TMEM132C: variants seen among roughly 807,000 people sequenced by gnomAD.
TMEM132C encodes protein phosphatase 1, regulatory subunit 152.
TMEM132C carries 29 observed loss-of-function variants against 61.4 expected under a neutral mutation model. The observed-to-expected ratio is 0.47, with a 90% confidence interval of 0.35 to 0.64. The LOEUF is 0.64. Ranked by LOEUF, TMEM132C falls within the 30% of genes least tolerant of loss-of-function variation. The probability of loss-of-function intolerance (pLI) is 0.00; values close to 1 mark genes in which losing one functional copy is unlikely to be tolerated. For missense variants in TMEM132C, 1,408 were observed against 1,476.9 expected, an observed-to-expected ratio of 0.95 and a Z score of 0.76; for synonymous variants, 656 against 633.1, an observed-to-expected ratio of 1.04 and a Z score of -0.54.
At chr12:128,376,569 C>T (rs1874199367) in intron 1 of TMEM132C, among the ~76,000 whole-genome samples, 1 of 152,122 alleles carries the variant, frequency 6.6e-6, no homozygotes, top group Non-Finnish European at 1.5e-5. Flanking sequence ...CTAGGGGTTT[C>T]AAGATGTGGA....
intron 1 of TMEM132C, among the ~76,000 whole-genome samples, chr12:128,388,109 A>G (rs1329531964): frequency 2.0e-5 from 3 of 152,234 alleles, no homozygotes; most frequent in East Asian, 3.9e-4. Context: ...GCCCGAGCCC[A>G]GGAAAAGCGT....
chr12:128,305,674 G>C (rs1240455584), intron 1 of TMEM132C, among the ~76,000 whole-genome samples: 2 of 151,938 alleles, frequency 1.3e-5, no homozygotes, highest in East Asian at 3.9e-4. Context: ...GATTAAAAAT[G>C]AGACCTCCCG....
chr12:128,515,873 A>G (rs2136122810), intron 2 of TMEM132C, among the ~76,000 whole-genome samples: 1 of 152,304 alleles, frequency 6.6e-6, no homozygotes, highest in East Asian at 1.9e-4. Flanking sequence ...ATTTTAAAGA[A>G]GAAATACAGC....
chr12:128,454,782 T>G (rs1431338835), intron 2 of TMEM132C, among the ~76,000 whole-genome samples: 2 of 152,240 alleles, frequency 1.3e-5, no homozygotes, highest in East Asian at 3.8e-4. Flanking sequence ...AAGAGGTTTG[T>G]GTGCAAACCG....
intron 5 of TMEM132C, among the ~76,000 whole-genome samples, chr12:128,681,817 ATTTTTTTT>A (rs35154554): frequency 8.1e-5 from 7 of 86,478 alleles, no homozygotes; most frequent in South Asian, 4.9e-4. Flanking sequence ...CCACGCCTGG[ATTTTTTTT>A]TTTTTTTTTT....
At chr12:128,374,717 T>G (rs1230235806) in intron 1 of TMEM132C, among the ~76,000 whole-genome samples, 2 of 146,002 alleles carry the variant, frequency 1.4e-5, no homozygotes, top group African/African-American at 5.0e-5. Context: ...AGTGCAGAGA[T>G]AAGGCCAGCC....
At chr12:128,645,922 A>G (rs556995253) in intron 4 of TMEM132C, among the ~76,000 whole-genome samples, 1 of 151,962 alleles carries the variant, frequency 6.6e-6, no homozygotes, top group East Asian at 1.9e-4. Flanking sequence ...TGTTTACTGG[A>G]GTCCATCAGT....
At chr12:128,358,708 T>C (rs768184628) in intron 1 of TMEM132C, among the ~76,000 whole-genome samples, 13 of 152,016 alleles carry the variant, frequency 8.6e-5, no homozygotes, top group Non-Finnish European at 1.3e-4. Flanking sequence ...CCAAAACTAA[T>C]TGAGGCACTT....
intron 1 of TMEM132C, among the ~76,000 whole-genome samples, chr12:128,384,597 A>G (rs1304418543): frequency 6.6e-6 from 1 of 152,150 alleles, no homozygotes; most frequent in African/African-American, 2.4e-5. Flanking sequence ...TGGGGACTCC[A>G]TTCCTAGGCT....
At chr12:128,292,962 G>A (rs1593000104) in intron 1 of TMEM132C, among the ~76,000 whole-genome samples, 1 of 152,164 alleles carries the variant, frequency 6.6e-6, no homozygotes, top group South Asian at 2.1e-4. Context: ...GTATGTGTGT[G>A]TGTGTATATG....
intron 2 of TMEM132C, among the ~76,000 whole-genome samples, chr12:128,516,605 A>AGG (rs1226770117): frequency 6.6e-6 from 1 of 151,320 alleles, no homozygotes. Flanking sequence ...AAGGAGGGAA[A>AGG]AAAAAAACCT....
chr12:128,682,191 A>G (rs1054313230), intron 5 of TMEM132C, among the ~76,000 whole-genome samples: 14 of 152,142 alleles, frequency 9.2e-5, no homozygotes, highest in Admixed American at 2.0e-4. Context: ...GCTTCAGCCA[A>G]ACCTCTACAC....
intron 3 of TMEM132C, among the ~76,000 whole-genome samples, chr12:128,593,522 G>A (rs1875834138): frequency 6.6e-6 from 1 of 152,210 alleles, no homozygotes; most frequent in Non-Finnish European, 1.5e-5. Flanking sequence ...GCTTTGACCT[G>A]GATATGCCTG....
intron 4 of TMEM132C, among the ~76,000 whole-genome samples, chr12:128,621,800 C>G (rs1201024576): frequency 6.6e-6 from 1 of 152,186 alleles, no homozygotes; most frequent in Non-Finnish European, 1.5e-5. Flanking sequence ...ACTGCCTTGC[C>G]CTGCCCCTAG....
chr12:128,551,394 G>T (rs1874171142), intron 3 of TMEM132C, among the ~76,000 whole-genome samples: 1 of 152,116 alleles, frequency 6.6e-6, no homozygotes, highest in African/African-American at 2.4e-5. Context: ...CTCAGACCCA[G>T]GAAGACAGCT....
In TMEM132C at chr12:128,326,745, G is replaced by A. The variant is rs1185924300; in HGVS notation, c.85+59258G>A. ...AAGGTAAGAGGCAGAGAAGTTTCGA[G>A]ATTCATCAGATGTCTTTATGGCTCC... On this transcript the variant is annotated intron_variant, in intron 1 of 8. Coordinates refer to ENST00000435159, the MANE Select transcript of TMEM132C (RefSeq NM_001136103.3). This position sits in a 1 kb window ranked among gnomAD's most constrained non-coding sequence, Gnocchi z 5.6. 6.6e-6 allele frequency among the ~76,000 whole-genome samples: 1 copy of A among 150,856 alleles called. No individual in the cohort carries two copies.
chr12:128,482,920 G>C (rs1871360681), intron 2 of TMEM132C, among the ~76,000 whole-genome samples: 1 of 151,898 alleles, frequency 6.6e-6, no homozygotes, highest in African/African-American at 2.4e-5. Context: ...TGTGAACAGG[G>C]CCTGGGTGCA....
chr12:128,705,967 G>T lies in TMEM132C; in HGVS notation c.2999G>T (p.Arg1000Leu). 6.4e-7 allele frequency: 1 copy of T among 1,551,570 alleles called. No individual in the cohort carries two copies. Among genetic ancestry groups the T allele is most frequent in the Non-Finnish European group, 8.7e-7 (1 of 1,146,982 alleles). Reference sequence around the variant, plus strand: ...GACGAGCACACCACCATCATAGACCGCGGACCGGGGGCCTGCGAGGAGAGC... The same window carrying T: ...GACGAGCACACCACCATCATAGACCTCGGACCGGGGGCCTGCGAGGAGAGC... The part of the protein sequence containing the change: ...PQDEHTTIID[R>L]GPGACEESNH... The change falls in exon 9 of 9, where the codon CGC (arginine) becomes CTC (leucine). Residue 1000 changes from arginine (R) to leucine (L), a missense_variant. Transcript: ENST00000435159.
At chr12:128,478,469 G>A (rs1053046120) in intron 2 of TMEM132C, among the ~76,000 whole-genome samples, 6 of 152,164 alleles carry the variant, frequency 3.9e-5, no homozygotes. Context: ...CTGTGAGTTG[G>A]CCCAAAGAAC....
Sources: gnomAD v4.1 joint callset for allele counts (sites outside exome capture counted in the v4.1 genomes callset) on GRCh38, gnomAD v4.1.1 for gene constraint, Gnocchi (gnomAD v3.1) non-coding constraint, MANE v1.5 for transcripts, NCBI Gene and HGNC (gene_info 2026-07-23, HGNC 2026-07-21) for gene names.